COLGALT2: variants seen among roughly 807,000 people sequenced by gnomAD.
COLGALT2 encodes procollagen galactosyltransferase 2.
In COLGALT2, 49 loss-of-function variants were observed where a neutral mutation model predicts 73.4. That is an observed-to-expected ratio of 0.67 (90% CI 0.53 to 0.85). The LOEUF (loss-of-function observed/expected upper bound fraction) is 0.85. COLGALT2 is among the 40% of genes least tolerant of loss of function. COLGALT2 has a pLI of 0.00. For synonymous variants in COLGALT2, 295 were observed against 307.6 expected (o/e 0.96, Z 0.43); for missense variants, 722 against 790.2 (o/e 0.91, Z 1.03).
chr1:184,033,522 T>C (rs1443980969), intron 1 of COLGALT2, among the ~76,000 whole-genome samples: 1 of 152,270 alleles, frequency 6.6e-6, no homozygotes, highest in African/African-American at 2.4e-5. Flanking sequence ...CAGGTAAATG[T>C]AAAAAGCTTT....
At chr1:183,947,704 A>G (rs1006295580) in intron 8 of COLGALT2, among the ~76,000 whole-genome samples, 47 of 152,182 alleles carry the variant, frequency 3.1e-4, no homozygotes, top group African/African-American at 1.1e-3. Flanking sequence ...AGAGAAAATT[A>G]AACCCAAAGC....
rs1341398331 is a variant in COLGALT2, at chr1:184,007,303, C to A, written c.264-28783G>T. On this transcript the variant is annotated intron_variant, in intron 1 of 11. Coordinates refer to ENST00000361927, the MANE Select transcript of COLGALT2 (RefSeq NM_015101.4). ...TCGGCAAATCTCAATCCCTTTATTT[C>A]TTTTATTATTGTATGTGTTCACAAG... Among the ~76,000 whole-genome samples the A allele has an allele frequency of 3.2e-4, 48 of 152,134 alleles. 1 individual carries two copies. The highest frequency in any genetic ancestry group is 3.1e-3 in the Admixed American group (48 of 15,278).
At chr1:184,023,643 T>TG (rs56285855) in intron 1 of COLGALT2, among the ~76,000 whole-genome samples, 1,939 of 132,824 alleles carry the variant, frequency 0.015, 48 homozygotes, top group East Asian at 0.054. Context: ...GTGCGTGAGG[T>TG]GGGGGGGGGG....
At chr1:183,979,132 T>A (rs1671283409) in intron 1 of COLGALT2, among the ~76,000 whole-genome samples, 1 of 152,222 alleles carries the variant, frequency 6.6e-6, no homozygotes, top group Middle Eastern at 3.2e-3. Flanking sequence ...TTCCAAAGCC[T>A]TTAAATAATG....
chr1:183,936,821 C>T lies in COLGALT2; in HGVS notation c.*1940G>A. On this transcript the variant is annotated 3_prime_UTR_variant, in exon 12 of 12. Coordinates refer to ENST00000361927, the MANE Select transcript of COLGALT2 (RefSeq NM_015101.4). ...TTTAGAGTTGGGTGAGTTCCCTTTCCTCCAGCGGCCTAGCTTGCTGGTCAG... is the reference window on the plus strand; with the variant it reads ...TTTAGAGTTGGGTGAGTTCCCTTTCTTCCAGCGGCCTAGCTTGCTGGTCAG... 1 of 1,231,670 alleles carries T rather than the reference C, an allele frequency of 8.1e-7. No individual in the cohort carries two copies. The highest frequency in any genetic ancestry group is 1.0e-6 in the Non-Finnish European group (1 of 987,956). The allele number at this position is 1,231,670 out of a possible 1,614,324, so 76.3% of individuals were successfully genotyped here. A position where few individuals can be genotyped will look rare whatever the true frequency, so the allele number is the denominator to read the frequency against.
chr1:183,977,812 A>AAGAGAGAGAGAGAGAGAGAGAGAGAGAG (rs59481089), intron 2 of COLGALT2, among the ~76,000 whole-genome samples: 139 of 52,392 alleles, frequency 2.7e-3, no homozygotes, highest in South Asian at 9.6e-3. Flanking sequence ...GAAAGAGAGA[A>AAGAGAGAGAGAGAGAGAGAGAGAGAGAG]AGAGAGAGAG....
chr1:184,037,181 G>A lies in COLGALT2; in HGVS notation c.177C>T (p.Val59=). ...PLQSPTVLVA[V]LARNAAHTLP... is the part of the protein sequence containing the mutation. ...GCGTGTGCGCCGCGTTGCGGGCGAG[G>A]ACCGCCACGAGCACCGTGGGGCTCT... Residue 59 remains valine (V), a synonymous_variant, in exon 1 of 12, where the codon GTC becomes GTT. Transcript: ENST00000361927. 6.2e-7 allele frequency: 1 copy of A among 1,604,630 alleles called. No homozygotes were observed. Among genetic ancestry groups the A allele is most frequent in the Non-Finnish European group, 8.5e-7 (1 of 1,177,140 alleles).
At chr1:183,978,702 T>C (rs947290816) in intron 1 of COLGALT2, among the ~76,000 whole-genome samples, 182 bp from the exon 2 acceptor site, 7 of 152,214 alleles carry the variant, frequency 4.6e-5, no homozygotes, top group Admixed American at 1.3e-4. Context: ...AGACACTGCT[T>C]AAAATCATCT....
rs1301449364 is a variant in COLGALT2 at position 183,935,925 on chromosome 1, A to T, written c.*2836T>A. On this transcript the variant is annotated 3_prime_UTR_variant, in exon 12 of 12. Coordinates refer to ENST00000361927, the MANE Select transcript of COLGALT2 (RefSeq NM_015101.4). ...CACTCTGAAATAGCACGCAAGACAG[A>T]TGATGCAGGGGAACGGGTGTCCACT... 1 of 985,336 alleles carries T rather than the reference A, an allele frequency of 1.0e-6. No homozygotes were observed. Among genetic ancestry groups the T allele is most frequent in the Non-Finnish European group, 1.2e-6 (1 of 829,954 alleles). The allele number at this position is 985,336 out of a possible 1,614,324, so 61.0% of individuals were successfully genotyped here. A position where few individuals can be genotyped will look rare whatever the true frequency, so the allele number is the denominator to read the frequency against.
At chr1:183,934,449 C>G (rs1172707350), downstream of COLGALT2, among the ~76,000 whole-genome samples, 1 of 152,188 alleles carries the variant, frequency 6.6e-6, no homozygotes, top group Non-Finnish European at 1.5e-5. Flanking sequence ...TGAAGGACAG[C>G]CGGTTCCCCT....
intron 1 of COLGALT2, among the ~76,000 whole-genome samples, chr1:183,998,050 G>A (rs1310430453): frequency 6.6e-6 from 1 of 152,144 alleles, no homozygotes; most frequent in Non-Finnish European, 1.5e-5. Flanking sequence ...TCATAGGTCT[G>A]AATATGTTCA....
At chr1:184,032,034 T>C (rs1649530000) in intron 1 of COLGALT2, among the ~76,000 whole-genome samples, 1 of 152,052 alleles carries the variant, frequency 6.6e-6, no homozygotes, top group Non-Finnish European at 1.5e-5. Context: ...GCTGGGACTA[T>C]AGGTGCATGC....
At chr1:183,987,253 C>G (rs1671513652) in intron 1 of COLGALT2, among the ~76,000 whole-genome samples, 1 of 152,078 alleles carries the variant, frequency 6.6e-6, no homozygotes, top group South Asian at 2.1e-4. Context: ...CTTGTTTATT[C>G]TTCTTCCCAC....
intron 6 of COLGALT2, among the ~76,000 whole-genome samples, chr1:183,959,160 T>C (rs1322910176): frequency 6.6e-6 from 1 of 152,180 alleles, no homozygotes. Flanking sequence ...CTTCTCAATT[T>C]TTCCTCCTAG....
At chr1:183,971,745 A>G (rs1007453902) in intron 4 of COLGALT2, among the ~76,000 whole-genome samples, 11 of 152,236 alleles carry the variant, frequency 7.2e-5, no homozygotes, top group African/African-American at 2.7e-4. Flanking sequence ...AAATTTTCAG[A>G]AAGTTTGCAA....
chr1:183,956,528 T>C (rs1043926653), intron 6 of COLGALT2, among the ~76,000 whole-genome samples: 1 of 152,178 alleles, frequency 6.6e-6, no homozygotes, highest in African/African-American at 2.4e-5. Context: ...CTTCCTCCTG[T>C]TCATGATATT....
chr1:183,930,312 TGAA>T (rs1669814105), intron 11 of COLGALT2: 2 of 456,028 alleles, frequency 4.4e-6, no homozygotes, highest in Non-Finnish European at 8.8e-6. Flanking sequence ...GAGGAAGAGT[TGAA>T]GAAAGAGAGA....
At position 183,945,508 on chromosome 1, in the gene COLGALT2, C is replaced by T. The variant is rs1300460309; in HGVS notation, c.1193G>A (p.Arg398Gln). The T allele has an allele frequency of 5.6e-6, 9 of 1,614,052 alleles. No homozygotes were observed. The highest frequency in any genetic ancestry group is 2.2e-5 in the East Asian group (1 of 44,888). Residue 398 changes from arginine (R) to glutamine (Q), a missense_variant, in exon 9 of 12, where the codon CGA (arginine) becomes CAA (glutamine). Coordinates refer to ENST00000361927, the MANE Select transcript of COLGALT2 (RefSeq NM_015101.4). ...TAGAGGCCTGGAGGAATAGGGATCT[C>T]GATAGCCAGGCAGCATTTCAATATT... ...ALNIEMLPGYRDPYSSRPLTR... is the reference protein window; with the variant it reads ...ALNIEMLPGYQDPYSSRPLTR...
rs370645334 is a variant in COLGALT2 at position 183,939,034 on chromosome 1, G to C, written c.1608C>G (p.Ala536=). Residue 536 remains alanine, a synonymous_variant, in exon 12 of 12, where the codon GCC becomes GCG. Coordinates refer to ENST00000361927, the MANE Select transcript of COLGALT2 (RefSeq NM_015101.4). ...TGGATTCATAATACTCCTTGTACTC[G>C]GCTCTGAAAACAAGAAGGTGGCCGG... ...LPVMYNKHPV[A]EYKEYYESRD... 2 of 1,607,432 alleles carry C rather than the reference G, an allele frequency of 1.2e-6. No individual in the cohort carries two copies.
Sources: gnomAD v4.1 joint callset for allele counts (sites outside exome capture counted in the v4.1 genomes callset) on GRCh38, gnomAD v4.1.1 for gene constraint, MANE v1.5 for transcripts, NCBI Gene and HGNC (gene_info 2026-07-23, HGNC 2026-07-21) for gene names.